Variants in SHOC1 observed in about 807,000 individuals in gnomAD.
SHOC1 encodes the protein shortage in chiasmata 1, also known as protein shortage in chiasmata 1 ortholog.
Under a neutral mutation model 179.2 loss-of-function variants are expected in SHOC1, and 136 were observed. The observed-to-expected ratio is 0.76, with a 90% CI of 0.66 to 0.87. The LOEUF (loss-of-function observed/expected upper bound fraction) is 0.87. SHOC1 is among the 40% of genes least tolerant of loss of function. The pLI is 0.00. For synonymous variants in SHOC1, 489 were observed against 586.6 expected (o/e 0.83, Z 2.41); for missense variants, 1,538 against 1,700.8 (o/e 0.90, Z 1.68).
At chr9:111,687,536 T>G (rs1831232405) in intron 27 of SHOC1, among the ~76,000 whole-genome samples, 1 of 152,224 alleles carries the variant, frequency 6.6e-6, no homozygotes, top group Non-Finnish European at 1.5e-5. Flanking sequence ...CTAACATTTT[T>G]AAGTAAAAAC....
chr9:111,744,759 T>A (rs918040605), intron 10 of SHOC1, among the ~76,000 whole-genome samples: 2 of 152,190 alleles, frequency 1.3e-5, no homozygotes, highest in Non-Finnish European at 2.9e-5. Context: ...TGTTCCCAAT[T>A]TTTTAACTGG....
intron 12 of SHOC1, among the ~76,000 whole-genome samples, chr9:111,735,050 A>G (rs927892456): frequency 5.3e-5 from 8 of 152,138 alleles, no homozygotes; most frequent in Non-Finnish European, 1.2e-4. Flanking sequence ...AGCTCCCACT[A>G]GAACATGCAG....
At chr9:111,777,325 C>T (rs765396844) in intron 4 of SHOC1, among the ~76,000 whole-genome samples, 17 of 152,192 alleles carry the variant, frequency 1.1e-4, no homozygotes, top group Non-Finnish European at 2.5e-4. Flanking sequence ...GTCCTACAAA[C>T]GCAGTCTGGT....
intron 3 of SHOC1, among the ~76,000 whole-genome samples, chr9:111,781,616 G>C (rs1032027238): frequency 6.9e-6 from 1 of 145,844 alleles, no homozygotes; most frequent in Non-Finnish European, 1.5e-5. Flanking sequence ...CCAACTACTT[G>C]GAAGGCTGAG....
intron 5 of SHOC1, among the ~76,000 whole-genome samples, chr9:111,766,609 T>G (rs749514689): frequency 3.9e-5 from 6 of 152,042 alleles, no homozygotes; most frequent in East Asian, 1.9e-4. Context: ...TTTTTTTTTG[T>G]TTTTGGTTTT....
At position 111,777,277 on chromosome 9, in the gene SHOC1, C is replaced by G. The variant is rs114087785; in HGVS notation, c.258-1302G>C. Among the ~76,000 whole-genome samples, 1,521 of 152,270 alleles carry G rather than the reference C, an allele frequency of 1.0e-2. 27 individuals carry two copies. The highest frequency in any genetic ancestry group is 0.034 in the African/African-American group (1,422 of 41,544). Reference sequence around the variant, plus strand: ...TCTTGCAGCCAGAGGCCGCATGACTCCTAAACCAAAATTTCTAATCTTGTA... The same window carrying G: ...TCTTGCAGCCAGAGGCCGCATGACTGCTAAACCAAAATTTCTAATCTTGTA... On this transcript the variant is annotated intron_variant, in intron 4 of 27. Coordinates refer to ENST00000682961, the MANE Select transcript of SHOC1 (RefSeq NM_001378211.1).
At chr9:111,707,448 C>CAACACTTGA (rs1832327444) in intron 19 of SHOC1, among the ~76,000 whole-genome samples, 1 of 151,818 alleles carries the variant, frequency 6.6e-6, no homozygotes, top group South Asian at 2.1e-4. Flanking sequence ...TTACACAATT[C>CAACACTTGA]AACACTTGAT....
rs1831492529 is a variant in SHOC1, at chr9:111,692,500, G to A, written c.3477C>T (p.Ser1159=). Residue 1159 remains serine (S), a synonymous_variant, in exon 27 of 28, where the codon AGC becomes AGT. Transcript: ENST00000682961. ...VPEKVLKHFC[S]ITSLFKIGSS... is the part of the protein sequence containing the mutation. The stretch of plus-strand genomic sequence containing the variant: ...AACCAATCTTGAATAGGGAAGTGAT[G>A]CTACAAAAATGCTAAAAAATGAATT... 1 of 1,559,132 alleles carries A rather than the reference G, an allele frequency of 6.4e-7. No individual in the cohort carries two copies.
chr9:111,758,725 C>A lies in SHOC1; in HGVS notation c.566G>T (p.Gly189Val). 6.3e-7 allele frequency: 1 copy of A among 1,591,300 alleles called. No individual in the cohort carries two copies. Among genetic ancestry groups the A allele is most frequent in the South Asian group, 1.2e-5 (1 of 86,092 alleles). Reference sequence around the variant, plus strand: ...AAAATTAGCTTCTGTGAAGATCTGTCCTTTGAAATCTAAAAGAGGATCCTT... The same window carrying A: ...AAAATTAGCTTCTGTGAAGATCTGTACTTTGAAATCTAAAAGAGGATCCTT... ...LVKDPLLDFKGQIFTEANFSR... is the reference protein window; with the variant it reads ...LVKDPLLDFKVQIFTEANFSR... Residue 189 changes from glycine (G) to valine (V), a missense_variant, in exon 6 of 28, where the codon GGA becomes GTA. Gly to Val is a moderately radical substitution (Grantham distance 109, BLOSUM62 -3). Coordinates refer to ENST00000682961, the MANE Select transcript of SHOC1 (RefSeq NM_001378211.1).
chr9:111,737,273 A>G (rs149176254), intron 12 of SHOC1, among the ~76,000 whole-genome samples: 11 of 152,244 alleles, frequency 7.2e-5, no homozygotes, highest in African/African-American at 2.7e-4. Flanking sequence ...AACAATTCTT[A>G]TTCAGATTCC....
Position 111,696,749 on chromosome 9 carries a change from A to G in SHOC1, c.3184-2387T>C, listed in dbSNP as rs571911830. On this transcript the variant is annotated intron_variant, in intron 24 of 27. Coordinates refer to ENST00000682961, the MANE Select transcript of SHOC1 (RefSeq NM_001378211.1). ...ATGCATAGAGGAAAAAAACTTTCTA[A>G]AGCATATTTTGCCTGTAATGGTTTA... 2.6e-5 allele frequency among the ~76,000 whole-genome samples: 4 copies of G among 152,320 alleles called. No homozygotes were observed. The East Asian group carries it at 7.7e-4, about 29-fold the overall frequency.
intron 2 of SHOC1, among the ~76,000 whole-genome samples, chr9:111,787,333 G>A (rs1836297607): frequency 6.6e-6 from 1 of 152,164 alleles, no homozygotes; most frequent in African/African-American, 2.4e-5. Flanking sequence ...CCTTTGAGAA[G>A]GGAGAACCAT....
Position 111,691,563 on chromosome 9 carries a change from C to T in SHOC1, c.4414G>A (p.Glu1472Lys), listed in dbSNP as rs140324495. ...TGGATAGTGTTACCTGTTAATGATT[C>T]CTTGTCTCCTGAGTTAAATGAAGAT... ...HESSFNSGDK[E>K]SLTGFMCSQL... The change falls in exon 27 of 28, where the codon GAA becomes AAA. Residue 1472 changes from glutamate (E) to lysine (K), a missense_variant. Physicochemically the swap from Glu to Lys is moderately conservative, Grantham distance 56. Transcript: ENST00000682961. 692 of 1,611,288 alleles carry T rather than the reference C, an allele frequency of 4.3e-4. 2 individuals are homozygous for T. In the African/African-American group the frequency reaches 7.6e-3, roughly 18 times the overall value.
intron 3 of SHOC1, among the ~76,000 whole-genome samples, chr9:111,784,683 G>A (rs1336152678): frequency 2.0e-5 from 3 of 152,064 alleles, no homozygotes; most frequent in African/African-American, 7.2e-5. Flanking sequence ...TCATAGACTC[G>A]GTGGCTCAAA....
Position 111,692,049 on chromosome 9 carries a change from G to C in SHOC1, c.3928C>G (p.Pro1310Ala). The change falls in exon 27 of 28, where the codon CCA (proline) becomes GCA (alanine). Residue 1310 changes from proline (P) to alanine (A), a missense_variant. Physicochemically the swap from Pro to Ala is conservative, Grantham distance 27. Transcript: ENST00000682961. ...TQMNCETIKS[P>A]TDTQKRVSVV... is the part of the protein sequence containing the mutation. ...GACACTCTCTTCTGAGTGTCAGTTG[G>C]TGATTTTATAGTTTCACAGTTCATT... 6.2e-7 allele frequency: 1 copy of C among 1,613,710 alleles called. No homozygotes were observed.
At chr9:111,720,845 T>C (rs1181859928) in intron 15 of SHOC1, among the ~76,000 whole-genome samples, 1 of 152,238 alleles carries the variant, frequency 6.6e-6, no homozygotes, top group African/African-American at 2.4e-5. Flanking sequence ...CAGAAAACAG[T>C]AATAAGAAGT....
chr9:111,776,212 T>TA (rs35696929), intron 4 of SHOC1, among the ~76,000 whole-genome samples: 93,572 of 151,584 alleles, frequency 0.62, 29,367 homozygotes, highest in East Asian at 0.9. Flanking sequence ...TTCTTTTCTG[T>TA]AAAAAAAATG....
intron 4 of SHOC1, among the ~76,000 whole-genome samples, chr9:111,776,725 A>C (rs1480958915): frequency 6.6e-6 from 1 of 152,248 alleles, no homozygotes; most frequent in Non-Finnish European, 1.5e-5. Context: ...GCACTCTTCC[A>C]CCAAAAGTTA....
rs370910327 is a variant in SHOC1, at chr9:111,747,292, A to T, written c.970+800T>A. 6.6e-5 allele frequency among the ~76,000 whole-genome samples: 10 copies of T among 152,304 alleles called. No individual in the cohort carries two copies. In the East Asian group the frequency reaches 1.5e-3, roughly 23 times the overall value. Reference sequence around the variant, plus strand: ...ATCAGGGCTATCAATATAGTTAAGCAACATACTTTGGCATTGTACTGGAAC... The same window carrying T: ...ATCAGGGCTATCAATATAGTTAAGCTACATACTTTGGCATTGTACTGGAAC... On this transcript the variant is annotated intron_variant, in intron 9 of 27. Coordinates refer to ENST00000682961, the MANE Select transcript of SHOC1 (RefSeq NM_001378211.1).
Sources: allele counts gnomAD v4.1 joint callset (sites outside exome capture counted in the v4.1 genomes callset), GRCh38; gene constraint gnomAD v4.1.1; transcripts MANE v1.5; gene names NCBI Gene and HGNC (gene_info 2026-07-23, HGNC 2026-07-21).